The following NDUFA10 variants were observed in gnomAD, a reference collection of about 807,000 sequenced individuals.
NDUFA10 encodes the protein NADH:ubiquinone oxidoreductase subunit A10, also known as NADH dehydrogenase [ubiquinone] 1 alpha subcomplex subunit 10, mitochondrial.
In NDUFA10, 40 loss-of-function variants were observed where a neutral mutation model predicts 47.8. The ratio of observed to expected loss-of-function variants is 0.84; its 90% confidence interval spans 0.65 to 1.09. NDUFA10 has a LOEUF of 1.09. Among genes scored for constraint, NDUFA10 ranks in the 50% least tolerant of loss-of-function variants. The probability of loss-of-function intolerance (pLI) is 0.00; values close to 1 mark genes in which losing one functional copy is unlikely to be tolerated. For missense variants in NDUFA10, 413 were observed against 451.1 expected (o/e 0.92, Z 0.76); for synonymous variants, 183 against 172.2 (o/e 1.06, Z -0.49).
At position 239,973,553 on chromosome 2, in the gene NDUFA10, G is replaced by C. The variant is rs369747531; in HGVS notation, c.1000-12367C>G. 2.6e-4 allele frequency: 123 copies of C among 469,222 alleles called. 1 individual carries two copies. The highest frequency in any genetic ancestry group is 1.8e-3 in the South Asian group (118 of 64,268). 29.1% of individuals were successfully genotyped at this position (469,222 alleles called of 1,614,324 possible). On this transcript the variant is annotated intron_variant, in intron 9 of 9. Coordinates refer to ENST00000252711, the MANE Select transcript of NDUFA10 (RefSeq NM_004544.4). ...TTGTCCTAGCAACTATCTTGGACAC[G>C]ATCAGCTTCAAGGAGGGAACGATCA...
chr2:239,955,075 A>T (rs1428817891), downstream of NDUFA10, among the ~76,000 whole-genome samples: 1 of 152,198 alleles, frequency 6.6e-6, no homozygotes, highest in East Asian at 1.9e-4. Flanking sequence ...TTTGGCTGGC[A>T]CATACCATGT....
chr2:239,970,777 G>A (rs924264212), intron 9 of NDUFA10, among the ~76,000 whole-genome samples: 6 of 152,220 alleles, frequency 3.9e-5, no homozygotes, highest in East Asian at 3.8e-4. Context: ...GGGGTAGCTC[G>A]TAAGGCCACA....
At chr2:240,002,738 T>G (rs1206359966) in intron 8 of NDUFA10, among the ~76,000 whole-genome samples, 2 of 152,126 alleles carry the variant, frequency 1.3e-5, no homozygotes, top group Non-Finnish European at 2.9e-5. Context: ...GAAAACTGAT[T>G]TTGCAAATAC....
At chr2:240,007,248 G>T in intron 7 of NDUFA10, 68 bp downstream of exon 7, 1 of 1,209,630 alleles carries the variant, frequency 8.3e-7, no homozygotes, top group Non-Finnish European at 1.2e-6. Flanking sequence ...CTGACGATCT[G>T]ATTTGCAAGA....
intron 9 of NDUFA10, among the ~76,000 whole-genome samples, chr2:239,977,664 A>G (rs1214608034): frequency 6.6e-6 from 1 of 152,232 alleles, no homozygotes; most frequent in Non-Finnish European, 1.5e-5. Flanking sequence ...TAAGCACACA[A>G]ACTGCTGCTT....
chr2:239,992,992 T>C (rs1469606562), intron 8 of NDUFA10, among the ~76,000 whole-genome samples: 1 of 151,998 alleles, frequency 6.6e-6, no homozygotes, highest in Non-Finnish European at 1.5e-5. Context: ...CAAATGAAAA[T>C]AAACACAATT....
At chr2:239,921,822 G>A (rs1199673947) in intron 4 of NDUFA10, among the ~76,000 whole-genome samples, 4 of 152,136 alleles carry the variant, frequency 2.6e-5, no homozygotes. Context: ...TGGGGGCAGG[G>A]TGGGGACGGG....
intron 4 of NDUFA10, among the ~76,000 whole-genome samples, chr2:239,917,975 C>T (rs921304889): frequency 5.9e-5 from 9 of 152,184 alleles, no homozygotes; most frequent in African/African-American, 2.2e-4. Context: ...AGAATGGGAG[C>T]CACAGAGCCA....
Position 239,972,482 on chromosome 2 carries a change from A to G in NDUFA10, c.1000-11296T>C, listed in dbSNP as rs1413631859. Among the ~76,000 whole-genome samples, 7 of 152,112 alleles carry G rather than the reference A, an allele frequency of 4.6e-5. No homozygotes were observed. In the East Asian group the frequency reaches 1.2e-3, roughly 25 times the overall value. ...CATTATAACATATAAATGCTAATCA[A>G]TTCTGCTTGGAGTTTTTCATTAATT... On this transcript the variant is annotated intron_variant, in intron 9 of 9. Coordinates refer to ENST00000252711, the MANE Select transcript of NDUFA10 (RefSeq NM_004544.4).
intron 9 of NDUFA10, chr2:239,969,525 G>A (rs1695226167): frequency 2.6e-6 from 1 of 386,708 alleles, no homozygotes; most frequent in African/African-American, 2.1e-5. Context: ...AAGAGCTTCT[G>A]GTGCCAGCTG....
intron 4 of NDUFA10, among the ~76,000 whole-genome samples, chr2:239,935,656 G>A (rs1694253174): frequency 1.3e-5 from 2 of 152,336 alleles, no homozygotes; most frequent in South Asian, 2.1e-4. Context: ...TTGTGGGAGG[G>A]ACCTGGTGGG....
At chr2:239,951,659 A>G (rs1023897882) in intron 4 of NDUFA10, among the ~76,000 whole-genome samples, 3 of 152,226 alleles carry the variant, frequency 2.0e-5, no homozygotes, top group Non-Finnish European at 4.4e-5. Flanking sequence ...TCTTTAAAAA[A>G]CAGGGTCTAG....
intron 8 of NDUFA10, among the ~76,000 whole-genome samples, chr2:240,002,202 A>G (rs865885333): frequency 5.3e-5 from 8 of 152,130 alleles, no homozygotes; most frequent in South Asian, 4.2e-4. Context: ...ATAGTGGTGC[A>G]TGCCTATAAT....
chr2:239,999,026 G>A (rs1696597283), intron 8 of NDUFA10, among the ~76,000 whole-genome samples: 1 of 152,194 alleles, frequency 6.6e-6, no homozygotes, highest in South Asian at 2.1e-4. Context: ...GAGCTGAGCT[G>A]CTGGCAGAGG....
chr2:239,913,540 C>T (rs1265546055), intron 4 of NDUFA10, among the ~76,000 whole-genome samples: 1 of 152,210 alleles, frequency 6.6e-6, no homozygotes, highest in Non-Finnish European at 1.5e-5. Flanking sequence ...GATTCTCCCC[C>T]TGGGGCTGTC....
At chr2:239,972,793 T>C (rs938580421) in intron 9 of NDUFA10, among the ~76,000 whole-genome samples, 1 of 152,248 alleles carries the variant, frequency 6.6e-6, no homozygotes, top group Non-Finnish European at 1.5e-5. Context: ...TTAACTCTTA[T>C]TAGCTGTGAA....
chr2:239,968,840 C>G (rs1192274763), intron 9 of NDUFA10, among the ~76,000 whole-genome samples: 1 of 152,186 alleles, frequency 6.6e-6, no homozygotes, highest in African/African-American at 2.4e-5. Flanking sequence ...CGAGCTCCCA[C>G]TGGCCAGAGC....
rs538989940 is a variant in NDUFA10 at position 239,934,284 on chromosome 2, C to T, written c.295-38970G>A. ...TGTGATGACACCAGCCACTTATCAG[C>T]AGAGTCACTGCCATGTTGGGAGGGA... On this transcript the variant is annotated intron_variant, in intron 4 of 5. Transcript: ENST00000419408. 4.6e-5 allele frequency among the ~76,000 whole-genome samples: 7 copies of T among 152,202 alleles called. No individual in the cohort carries two copies. The East Asian group carries it at 1.3e-3, about 29-fold the overall frequency.
At position 239,964,381 on chromosome 2, in the gene NDUFA10, C is replaced by T. The variant is rs534998343; in HGVS notation, c.1000-3195G>A. Among the ~76,000 whole-genome samples, 10 of 152,292 alleles carry T rather than the reference C, an allele frequency of 6.6e-5. No individual in the cohort carries two copies. The South Asian group carries it at 2.1e-3, about 32-fold the overall frequency. On this transcript the variant is annotated intron_variant, in intron 9 of 9. Transcript: ENST00000252711. Reference sequence around the variant, plus strand: ...GAAAGGGAAAGGACACCAATCTCCCCTTGAGCCCCCGGAAGGAGCCAGCCC... The same window carrying T: ...GAAAGGGAAAGGACACCAATCTCCCTTTGAGCCCCCGGAAGGAGCCAGCCC...
Sources: allele counts gnomAD v4.1 joint callset (sites outside exome capture counted in the v4.1 genomes callset), GRCh38; gene constraint gnomAD v4.1.1; transcripts MANE v1.5; gene names NCBI Gene and HGNC (gene_info 2026-07-23, HGNC 2026-07-21).